Variants in CNTN4 observed in about 807,000 individuals in gnomAD.
CNTN4 encodes contactin 4.
In CNTN4, 77 loss-of-function variants were observed where a neutral mutation model predicts 122.5. That is an observed-to-expected ratio of 0.63 (90% CI 0.52 to 0.76). The LOEUF (loss-of-function observed/expected upper bound fraction) is 0.76. Ranked by LOEUF, CNTN4 falls within the 30% of genes least tolerant of loss-of-function variation. CNTN4 has a pLI of 0.00. For synonymous variants in CNTN4, 512 were observed against 447.0 expected (o/e 1.15, Z -1.83); for missense variants, 1,256 against 1,259.1 (o/e 1.00, Z 0.04).
At chr3:2,894,681 C>G (rs1249156295) in intron 10 of CNTN4, among the ~76,000 whole-genome samples, 2 of 151,824 alleles carry the variant, frequency 1.3e-5, no homozygotes, top group African/African-American at 4.8e-5. Context: ...GAGGGAAACA[C>G]TAGGTAGAGG....
intron 2 of CNTN4, among the ~76,000 whole-genome samples, chr3:2,329,505 A>T (rs1454161416): frequency 6.6e-6 from 1 of 151,318 alleles, no homozygotes; most frequent in African/African-American, 2.4e-5. Context: ...ATTCCTTTTC[A>T]AAAATATATC....
In CNTN4 at chr3:3,043,164, G is replaced by A. The variant is rs1181797277; in HGVS notation, c.2698+1G>A. The A allele has an allele frequency of 7.4e-6, 12 of 1,613,874 alleles. No individual in the cohort carries two copies. Among genetic ancestry groups the A allele is most frequent in the South Asian group, 3.3e-5 (3 of 91,082 alleles). The stretch of plus-strand genomic sequence containing the variant: ...GTCAATGTGACAACCCGAAAGCCAC[G>A]TAAGAACAGACTTGCTCAGAAATAT... On this transcript the variant is annotated splice_donor_variant, in intron 22 of 24. Coordinates refer to ENST00000418658, the MANE Select transcript of CNTN4 (RefSeq NM_175607.3). LOFTEE classifies it high-confidence loss of function.
intron 6 of CNTN4, among the ~76,000 whole-genome samples, chr3:2,751,435 T>C (rs2090085550): frequency 6.6e-6 from 1 of 152,194 alleles, no homozygotes; most frequent in African/African-American, 2.4e-5. Context: ...TCATGAAGTG[T>C]TTCAAAGGAA....
intron 2 of CNTN4, among the ~76,000 whole-genome samples, chr3:2,208,130 A>T (rs538579271): frequency 3.9e-5 from 6 of 152,264 alleles, no homozygotes; most frequent in Admixed American, 1.3e-4. Flanking sequence ...GGCTATCAGT[A>T]CCATAGATAG....
intron 3 of CNTN4, among the ~76,000 whole-genome samples, chr3:2,568,592 T>C (rs1489094001): frequency 6.6e-6 from 1 of 152,150 alleles, no homozygotes; most frequent in Non-Finnish European, 1.5e-5. Flanking sequence ...TTTCTGACTC[T>C]GACAGAAAAA....
At chr3:2,425,947 T>A (rs2047812724) in intron 3 of CNTN4, among the ~76,000 whole-genome samples, 1 of 152,204 alleles carries the variant, frequency 6.6e-6, no homozygotes, top group Admixed American at 6.5e-5. Context: ...AAGTTGCTTA[T>A]CAGCTTAGGG....
chr3:2,156,231 T>G (rs1239720303), intron 2 of CNTN4, among the ~76,000 whole-genome samples: 1 of 152,132 alleles, frequency 6.6e-6, no homozygotes, highest in African/African-American at 2.4e-5. Flanking sequence ...AGCTGGGGAC[T>G]TAGGAGGTGG....
chr3:2,400,428 C>CATATATATATATATATAT (rs58112641), intron 3 of CNTN4, among the ~76,000 whole-genome samples: 53 of 95,802 alleles, frequency 5.5e-4, no homozygotes, highest in Non-Finnish European at 8.6e-4. Context: ...TATATATATA[C>CATATATATATATATATAT]ATATATATAT....
intron 3 of CNTN4, among the ~76,000 whole-genome samples, chr3:2,343,485 G>A (rs968268489): frequency 1.3e-5 from 2 of 152,138 alleles, no homozygotes; most frequent in East Asian, 1.9e-4. Context: ...TGCAACCAGT[G>A]AGACTGGTCG....
At chr3:3,040,746 G>A (rs952208264) in intron 20 of CNTN4, among the ~76,000 whole-genome samples, 1 of 152,044 alleles carries the variant, frequency 6.6e-6, no homozygotes, top group Non-Finnish European at 1.5e-5. Context: ...TGACCAATAT[G>A]GAGAAAACCC....
chr3:2,123,936 G>GA (rs1274019483), intron 2 of CNTN4, among the ~76,000 whole-genome samples: 1 of 152,166 alleles, frequency 6.6e-6, no homozygotes, highest in African/African-American at 2.4e-5. Context: ...TTAGGCCCTG[G>GA]TGAATTTTTA....
At chr3:2,319,430 C>T (rs1502584) in intron 2 of CNTN4, among the ~76,000 whole-genome samples, 10,874 of 152,124 alleles carry the variant, frequency 0.071, 458 homozygotes, top group Middle Eastern at 0.085. Context: ...ATAAAAGTTA[C>T]ACCAAGGGTG....
chr3:2,808,951 A>C (rs1554201), intron 6 of CNTN4, among the ~76,000 whole-genome samples: 17,798 of 152,248 alleles, frequency 0.12, 1,485 homozygotes, highest in East Asian at 0.3. Flanking sequence ...AGGTCTCACC[A>C]ACCACCACAG....
intron 3 of CNTN4, among the ~76,000 whole-genome samples, chr3:2,543,659 C>T (rs1267909262): frequency 6.6e-6 from 1 of 152,092 alleles, no homozygotes; most frequent in Non-Finnish European, 1.5e-5. Context: ...ATTTCTTTTT[C>T]CTCAGTATGC....
At chr3:2,752,873 T>A (rs994479631) in intron 6 of CNTN4, among the ~76,000 whole-genome samples, 1 of 152,220 alleles carries the variant, frequency 6.6e-6, no homozygotes, top group African/African-American at 2.4e-5. Flanking sequence ...ATATGTGGCA[T>A]TCGTCTTTCT....
At chr3:2,781,727 T>A (rs889551535) in intron 6 of CNTN4, among the ~76,000 whole-genome samples, 2 of 134,684 alleles carry the variant, frequency 1.5e-5, no homozygotes, top group Non-Finnish European at 3.1e-5. Flanking sequence ...TTTTTTTTTT[T>A]TTTTTTTTTT....
chr3:2,185,947 A>T lies in CNTN4; in HGVS notation c.-145+85308A>T, dbSNP rs577033499. Among the ~76,000 whole-genome samples, 4 of 151,880 alleles carry T rather than the reference A, an allele frequency of 2.6e-5. No homozygotes were observed. The South Asian group carries it at 8.3e-4, about 32-fold the overall frequency. On this transcript the variant is annotated intron_variant, in intron 2 of 24. Transcript: ENST00000418658. The stretch of plus-strand genomic sequence containing the variant: ...TTTCTTTTTTTAATTTTTTATTATT[A>T]TACTTTAAGTTCTAGGGTACATGTG...
intron 13 of CNTN4, among the ~76,000 whole-genome samples, chr3:2,935,853 A>G (rs560097193): frequency 6.6e-6 from 1 of 152,202 alleles, no homozygotes; most frequent in Non-Finnish European, 1.5e-5. Flanking sequence ...AATAGACACT[A>G]ATGTTCTTGT....
intron 4 of CNTN4, among the ~76,000 whole-genome samples, chr3:2,636,704 T>G (rs932782438): frequency 1.6e-4 from 25 of 152,114 alleles, no homozygotes; most frequent in Admixed American, 3.9e-4. Flanking sequence ...CAATTACCAA[T>G]AGAGGTAGAT....
Sources: allele counts gnomAD v4.1 joint callset (sites outside exome capture counted in the v4.1 genomes callset), GRCh38; gene constraint gnomAD v4.1.1; transcripts MANE v1.5; gene names NCBI Gene and HGNC (gene_info 2026-07-23, HGNC 2026-07-21).